FMNL1: variants seen among roughly 807,000 people sequenced by gnomAD.
The protein encoded by FMNL1 is formin-like protein 1.
A neutral mutation model predicts 121.3 loss-of-function variants in FMNL1; 43 were observed. That is an observed-to-expected ratio of 0.35 (90% confidence interval 0.28 to 0.46). The LOEUF (loss-of-function observed/expected upper bound fraction) is 0.46. Ranked by LOEUF, FMNL1 falls within the 20% of genes least tolerant of loss-of-function variation. The pLI is 1.00. For synonymous variants in FMNL1, 613 were observed against 613.5 expected, an observed-to-expected ratio of 1.00 and a Z score of 0.01; for missense variants, 1,191 against 1,482.4, an observed-to-expected ratio of 0.80 and a Z score of 3.23.
At position 45,241,651 on chromosome 17, in the gene FMNL1, G is replaced by T; in HGVS notation, c.1585+17G>T. 6.7e-7 allele frequency: 1 copy of T among 1,481,852 alleles called. No individual in the cohort carries two copies. Among genetic ancestry groups the T allele is most frequent in the South Asian group, 1.3e-5 (1 of 74,252 alleles). 91.8% of individuals were successfully genotyped at this position (1,481,852 alleles called of 1,614,324 possible). A position where few individuals can be genotyped will look rare whatever the true frequency, so the allele number is the denominator to read the frequency against. Reference sequence around the variant, plus strand: ...CCAGCCCAGGTGCGCAGGAGCTTCAGGCTGGCGGGGATGCGGGGCAGGGTC... The same window carrying T: ...CCAGCCCAGGTGCGCAGGAGCTTCATGCTGGCGGGGATGCGGGGCAGGGTC... On this transcript the variant is annotated intron_variant, in intron 14 of 26. Transcript: ENST00000331495. This position sits in a 1 kb window ranked among gnomAD's most constrained non-coding sequence, Gnocchi z 7.0.
rs1021945690 is a variant in FMNL1, at chr17:45,237,228, C to T, written c.724-53C>T. The T allele has an allele frequency of 6.3e-6, 10 of 1,578,538 alleles. No individual in the cohort carries two copies. The Admixed American group carries it at 1.7e-4, about 26-fold the overall frequency. On this transcript the variant is annotated intron_variant, in intron 7 of 26. Coordinates refer to ENST00000331495, the MANE Select transcript of FMNL1 (RefSeq NM_005892.4). The surrounding 1 kb of genome is among the most constrained non-coding windows in gnomAD (Gnocchi z 4.4). ...TTAAAGATCCACGTGGCGTGGGTGCCTGAAGTCCTGGGGGGCCCTTCCTGG... is the reference window on the plus strand; with the variant it reads ...TTAAAGATCCACGTGGCGTGGGTGCTTGAAGTCCTGGGGGGCCCTTCCTGG...
chr17:45,234,296 G>A (rs772775462), intron 6 of FMNL1, 96 bp downstream of exon 6: 30 of 1,593,840 alleles, frequency 1.9e-5, no homozygotes, highest in African/African-American at 6.7e-5. Context: ...TGGGGTTGGC[G>A]AGAGGGGTAG....
intron 1 of FMNL1, among the ~76,000 whole-genome samples, chr17:45,230,342 C>T (rs556927388): frequency 1.6e-4 from 25 of 152,272 alleles, no homozygotes; most frequent in East Asian, 5.8e-4. Flanking sequence ...GCCAGGGAGG[C>T]GGTGTGGGGG....
intron 1 of FMNL1, among the ~76,000 whole-genome samples, chr17:45,226,174 C>G (rs538803291): frequency 6.6e-6 from 1 of 152,212 alleles, no homozygotes; most frequent in Non-Finnish European, 1.5e-5. Context: ...GGGCCCAGAC[C>G]GAAAACTGCC....
At chr17:45,236,831 G>T (rs535428330) in intron 7 of FMNL1, among the ~76,000 whole-genome samples, 3 of 152,310 alleles carry the variant, frequency 2.0e-5, no homozygotes, top group East Asian at 1.9e-4. Context: ...ATAAAGAGAG[G>T]CCAGGCGTGG....
rs577520924 is a variant in FMNL1 at position 45,237,931 on chromosome 17, C to T, written c.894+292C>T. The stretch of plus-strand genomic sequence containing the variant: ...TGCCAGATCCAAACTAGCCTTGGTT[C>T]ATACCTCCAGGAGTTGCGGACTCTG... On this transcript the variant is annotated intron_variant, in intron 9 of 26. Transcript: ENST00000331495. The surrounding 1 kb of genome is among the most constrained non-coding windows in gnomAD (Gnocchi z 4.4). The T allele has an allele frequency of 8.3e-6, 3 of 359,546 alleles. No homozygotes were observed. The East Asian group carries it at 1.7e-4, about 21-fold the overall frequency. 22.3% of individuals were successfully genotyped at this position (359,546 alleles called of 1,614,324 possible).
chr17:45,225,950 C>T (rs958145757), intron 1 of FMNL1, among the ~76,000 whole-genome samples: 1 of 152,308 alleles, frequency 6.6e-6, no homozygotes, highest in Admixed American at 6.5e-5. Context: ...CAGTAACCCC[C>T]CTCCACTGTG....
rs760226482 is a variant in FMNL1, at chr17:45,233,738, C to T, written c.485+7C>T. On this transcript the variant is annotated splice_region_variant and intron_variant, in intron 5 of 26. Coordinates refer to ENST00000331495, the MANE Select transcript of FMNL1 (RefSeq NM_005892.4). This position sits in a 1 kb window ranked among gnomAD's most constrained non-coding sequence, Gnocchi z 4.1. ...TTGCCCAGTGCTCTGTCACGTAAGC[C>T]CCCTGCTCCCAGCCCTCATGCCGCT... The T allele has an allele frequency of 6.2e-6, 10 of 1,613,828 alleles. No homozygotes were observed. Among genetic ancestry groups the T allele is most frequent in the Non-Finnish European group, 8.5e-6 (10 of 1,179,940 alleles).
chr17:45,246,353 G>C, intron 25 of FMNL1, 23 bp downstream of exon 25: 1 of 1,614,096 alleles, frequency 6.2e-7, no homozygotes, highest in Non-Finnish European at 8.5e-7. Context: ...CCAGGCCTTG[G>C]TCTTATCCTC....
At chr17:45,246,689 G>C (rs2043845578) in intron 26 of FMNL1, 85 bp downstream of exon 26, 1 of 1,355,260 alleles carries the variant, frequency 7.4e-7, no homozygotes, top group Admixed American at 2.2e-5. Flanking sequence ...GCCTTCTCCT[G>C]GGCCAGTGGA....
intron 6 of FMNL1, 31 bp downstream of exon 6, chr17:45,234,231 G>A (rs755034225): frequency 6.2e-7 from 1 of 1,613,752 alleles, no homozygotes; most frequent in Non-Finnish European, 8.5e-7. Context: ...GGTGGTGGGA[G>A]AACAGAGAAT....
At chr17:45,243,412 G>A in intron 17 of FMNL1, 92 bp downstream of exon 17, 1 of 1,423,622 alleles carries the variant, frequency 7.0e-7, no homozygotes. Flanking sequence ...CCTCAATGGT[G>A]AGCTCTTTCA....
intron 1 of FMNL1, among the ~76,000 whole-genome samples, chr17:45,223,740 C>G (rs1239028416): frequency 6.6e-6 from 1 of 152,146 alleles, no homozygotes; most frequent in Non-Finnish European, 1.5e-5. Context: ...CCCTGCCAAC[C>G]TGGTTGGAGG....
chr17:45,227,351 G>A (rs1292016910), intron 1 of FMNL1, among the ~76,000 whole-genome samples: 1 of 152,098 alleles, frequency 6.6e-6, no homozygotes, highest in African/African-American at 2.4e-5. Flanking sequence ...GGAGGTGGGG[G>A]AAGGGCTCTT....
At position 45,231,166 on chromosome 17, in the gene FMNL1, C is replaced by T. The variant is rs2043428453; in HGVS notation, c.213+479C>T. Among the ~76,000 whole-genome samples the T allele has an allele frequency of 6.6e-6, 1 of 152,244 alleles. No homozygotes were observed. The highest frequency in any genetic ancestry group is 2.1e-4 in the South Asian group (1 of 4,836). On this transcript the variant is annotated intron_variant, in intron 2 of 26. Coordinates refer to ENST00000331495, the MANE Select transcript of FMNL1 (RefSeq NM_005892.4). This position sits in a 1 kb window ranked among gnomAD's most constrained non-coding sequence, Gnocchi z 4.7. ...CCCCAAGGCCAGCCACTTTGGACCC[C>T]TGCTTTGGTGCTCCGTCCAGGTGCC... is the stretch of plus-strand genomic sequence containing the variant.
intron 6 of FMNL1, chr17:45,234,973 A>G (rs1175187559): frequency 6.6e-6 from 1 of 152,610 alleles, no homozygotes; most frequent in Non-Finnish European, 1.5e-5. Context: ...CCTCCATCCT[A>G]ACACGGGCAT....
chr17:45,238,272 A>G, intron 9 of FMNL1: 1 of 337,792 alleles, frequency 3.0e-6, no homozygotes, highest in Non-Finnish European at 5.5e-6. Context: ...ATTTCAGCAA[A>G]GCTGTGAAGG....
chr17:45,244,975 G>A lies in FMNL1; in HGVS notation c.2599-4G>A. The A allele has an allele frequency of 1.2e-6, 2 of 1,613,032 alleles. No individual in the cohort carries two copies. The highest frequency in any genetic ancestry group is 8.5e-7 in the Non-Finnish European group (1 of 1,179,178). On this transcript the variant is annotated splice_polypyrimidine_tract_variant and splice_region_variant and intron_variant, in intron 20 of 26. Coordinates refer to ENST00000331495, the MANE Select transcript of FMNL1 (RefSeq NM_005892.4). ...CCTGTGGCTTACAATGGGTCCTTGTGCAGCTGTTGGAGATGAAGTCGACTG... is the reference window on the plus strand; with the variant it reads ...CCTGTGGCTTACAATGGGTCCTTGTACAGCTGTTGGAGATGAAGTCGACTG...
chr17:45,235,105 A>G (rs2043523955), intron 6 of FMNL1, among the ~76,000 whole-genome samples: 1 of 152,254 alleles, frequency 6.6e-6, no homozygotes, highest in Non-Finnish European at 1.5e-5. Flanking sequence ...ACAATATGTT[A>G]TTTGTCCATT....
Sources: gnomAD v4.1 joint callset for allele counts (sites outside exome capture counted in the v4.1 genomes callset) on GRCh38, gnomAD v4.1.1 for gene constraint, Gnocchi (gnomAD v3.1) non-coding constraint, MANE v1.5 for transcripts, NCBI Gene and HGNC (gene_info 2026-07-23, HGNC 2026-07-21) for gene names.